The following MPRIP variants were observed in gnomAD, a reference collection of about 807,000 sequenced individuals.
MPRIP encodes the protein myosin phosphatase Rho interacting protein, also known as myosin phosphatase Rho-interacting protein.
MPRIP carries 59 observed loss-of-function variants against 234.9 expected under a neutral mutation model. The observed-to-expected ratio is 0.25, with a 90% CI of 0.20 to 0.31. The LOEUF is 0.31. Ranked by LOEUF, MPRIP falls within the 10% of genes least tolerant of loss-of-function variation. The probability of loss-of-function intolerance (pLI) is 1.00; values close to 1 mark genes in which losing one functional copy is unlikely to be tolerated. For synonymous variants in MPRIP, 1,144 were observed against 1,263.9 expected, an observed-to-expected ratio of 0.91 and a Z score of 2.01; for missense variants, 2,436 against 3,071.0, an observed-to-expected ratio of 0.79 and a Z score of 4.89.
At chr17:17,126,430 C>G (rs1215653138) in intron 3 of MPRIP, among the ~76,000 whole-genome samples, 1 of 152,192 alleles carries the variant, frequency 6.6e-6, no homozygotes, top group African/African-American at 2.4e-5. Flanking sequence ...GCAGCTGTCC[C>G]CATCCTGTCC....
chr17:17,137,583 T>C (rs1461692022), intron 6 of MPRIP, among the ~76,000 whole-genome samples: 2 of 150,064 alleles, frequency 1.3e-5, no homozygotes, highest in Non-Finnish European at 3.0e-5. Context: ...TGAGAAGCGG[T>C]TGGTGGTGGG....
At chr17:17,093,264 C>T (rs2089761992) in intron 3 of MPRIP, among the ~76,000 whole-genome samples, 1 of 152,206 alleles carries the variant, frequency 6.6e-6, no homozygotes, top group African/African-American at 2.4e-5. Flanking sequence ...ATAGTCCCTG[C>T]ATGAACTCTC....
rs1052390000 is a variant in MPRIP, at chr17:17,165,709, C to A, written c.4118C>A (p.Thr1373Asn). The A allele has an allele frequency of 7.7e-7, 1 of 1,305,088 alleles. No individual in the cohort carries two copies. The highest frequency in any genetic ancestry group is 2.3e-5 in the Admixed American group (1 of 43,580). The allele number at this position is 1,305,088 out of a possible 1,614,324, so 80.8% of individuals were successfully genotyped here. A position where few individuals can be genotyped will look rare whatever the true frequency, so the allele number is the denominator to read the frequency against. ...SEPAPSVLPA[T>N]GDSDTYLSII... Reference sequence around the variant, plus strand: ...CCTGCACCCAGTGTACTGCCTGCAACTGGCGACTCTGACACGTACCTCTCC... The same window carrying A: ...CCTGCACCCAGTGTACTGCCTGCAAATGGCGACTCTGACACGTACCTCTCC... Residue 1373 changes from threonine (T) to asparagine (N), a missense_variant, in exon 16 of 24, where the codon ACT (threonine) becomes AAT (asparagine). This residue lies in a region of MPRIP where 1,998 missense variants were observed against 2,520.3 expected (regional missense o/e 0.79). Transcript: ENST00000651222.
chr17:17,137,781 G>A (rs944724568), intron 6 of MPRIP, 135 bp from the exon 7 acceptor site: 2 of 610,534 alleles, frequency 3.3e-6, no homozygotes, highest in Non-Finnish European at 5.4e-6. Flanking sequence ...CCTTGAGTGG[G>A]GTGTGCTGGA....
chr17:17,115,391 C>T lies in MPRIP; in HGVS notation c.268-11311C>T, dbSNP rs764786006. On this transcript the variant is annotated intron_variant, in intron 3 of 23. Coordinates refer to ENST00000651222, the MANE Select transcript of MPRIP (RefSeq NM_001364716.4). ...CTGGGCCTGAGTTTCCACGTCCAGACGTTAGGGAGAGGTGGGGTGTAGAGG... is the reference window on the plus strand; with the variant it reads ...CTGGGCCTGAGTTTCCACGTCCAGATGTTAGGGAGAGGTGGGGTGTAGAGG... Among the ~76,000 whole-genome samples, 15 of 152,286 alleles carry T rather than the reference C, an allele frequency of 9.8e-5. No individual in the cohort carries two copies. In the East Asian group the frequency reaches 1.2e-3, roughly 12 times the overall value.
At chr17:17,059,443 G>A (rs1329719698) in intron 1 of MPRIP, among the ~76,000 whole-genome samples, 1 of 152,258 alleles carries the variant, frequency 6.6e-6, no homozygotes, top group Non-Finnish European at 1.5e-5. Context: ...CCATGGGCTT[G>A]AGGAGCATGC....
chr17:17,143,525 T>C (rs1186803794), intron 8 of MPRIP, 31 bp from the exon 9 acceptor site: 9 of 1,486,560 alleles, frequency 6.1e-6, no homozygotes, highest in Middle Eastern at 1.7e-4. Flanking sequence ...TGCCCTGGGC[T>C]GCACTGACCA....
At chr17:17,152,769 G>T (rs749204032) in intron 12 of MPRIP, among the ~76,000 whole-genome samples, 5 of 152,222 alleles carry the variant, frequency 3.3e-5, no homozygotes, top group Non-Finnish European at 7.3e-5. Context: ...GGACATGCAG[G>T]TCCATTAGAA....
chr17:17,089,656 A>G (rs2089670216), intron 3 of MPRIP, among the ~76,000 whole-genome samples: 1 of 151,998 alleles, frequency 6.6e-6, no homozygotes, highest in African/African-American at 2.4e-5. Context: ...GCTAAGTAGG[A>G]CTTGTGGGGG....
intron 1 of MPRIP, among the ~76,000 whole-genome samples, chr17:17,069,598 CTGG>C (rs1478475356): frequency 6.7e-6 from 1 of 148,636 alleles, no homozygotes; most frequent in East Asian, 2.0e-4. Context: ...ATATTTTTTA[CTGG>C]TTATAATAAG....
intron 13 of MPRIP, among the ~76,000 whole-genome samples, chr17:17,156,020 C>T (rs570501133): frequency 3.9e-5 from 6 of 152,260 alleles, no homozygotes; most frequent in Non-Finnish European, 8.8e-5. Flanking sequence ...GCAGACAGAG[C>T]TTATCACGGG....
At chr17:17,181,947 T>G (rs920990284) in intron 23 of MPRIP, 3 of 152,240 alleles carry the variant, frequency 2.0e-5, no homozygotes, top group Non-Finnish European at 2.9e-5. Flanking sequence ...GGGGTCCTCC[T>G]CCTTATGTGT....
chr17:17,103,373 G>A (rs1057458399), intron 3 of MPRIP, among the ~76,000 whole-genome samples: 9 of 152,244 alleles, frequency 5.9e-5, no homozygotes, highest in Admixed American at 1.3e-4. Context: ...GCCGGCAGCC[G>A]TGAGGGTATC....
At chr17:17,045,178 A>T (rs1204491160) in intron 1 of MPRIP, among the ~76,000 whole-genome samples, 1 of 152,154 alleles carries the variant, frequency 6.6e-6, no homozygotes, top group Non-Finnish European at 1.5e-5. Context: ...TACATCAGCC[A>T]CCATCGAGGC....
intron 11 of MPRIP, 145 bp downstream of exon 11, chr17:17,147,532 T>C (rs2045500464): frequency 2.7e-6 from 2 of 745,692 alleles, no homozygotes; most frequent in Non-Finnish European, 4.6e-6. Flanking sequence ...GCCGAAGGTA[T>C]GTCCATGTTG....
At chr17:17,142,525 G>C in intron 7 of MPRIP, 102 bp from the exon 8 acceptor site, 1 of 1,394,068 alleles carries the variant, frequency 7.2e-7, no homozygotes, top group Admixed American at 1.9e-5. Context: ...CAAGCCTGAG[G>C]GGAATCAGGC....
intron 10 of MPRIP, 38 bp from the exon 11 acceptor site, chr17:17,147,281 G>A (rs765669767): frequency 3.1e-6 from 5 of 1,599,440 alleles, no homozygotes; most frequent in Admixed American, 3.3e-5. Flanking sequence ...CTGTATAGGA[G>A]TTGGTAGTCG....
At chr17:17,115,918 A>G (rs1223036147) in intron 3 of MPRIP, among the ~76,000 whole-genome samples, 4 of 152,136 alleles carry the variant, frequency 2.6e-5, no homozygotes, top group Non-Finnish European at 4.4e-5. Flanking sequence ...TCTCTACCTC[A>G]TGCCCTGCAG....
chr17:17,190,535 A>G lies in MPRIP; in HGVS notation c.*5641A>G, dbSNP rs1021368474. 3.3e-5 allele frequency: 5 copies of G among 152,246 alleles called. No homozygotes were observed. Among genetic ancestry groups the G allele is most frequent in the African/African-American group, 9.6e-5 (4 of 41,462 alleles). 9.4% of individuals were successfully genotyped at this position (152,246 alleles called of 1,614,324 possible). Reference sequence around the variant, plus strand: ...GCATAAACCCAGCATGGAAAGGAACATTATCAGTTATCTCAAATTTTGTCT... The same window carrying G: ...GCATAAACCCAGCATGGAAAGGAACGTTATCAGTTATCTCAAATTTTGTCT... On this transcript the variant is annotated 3_prime_UTR_variant, in exon 24 of 24. Coordinates refer to ENST00000651222, the MANE Select transcript of MPRIP (RefSeq NM_001364716.4).
Sources: allele counts gnomAD v4.1 joint callset (sites outside exome capture counted in the v4.1 genomes callset), GRCh38; gene constraint gnomAD v4.1.1; regional missense constraint gnomAD v4.1.1; transcripts MANE v1.5; gene names NCBI Gene and HGNC (gene_info 2026-07-23, HGNC 2026-07-21).